The following DCT variants were observed in gnomAD, a reference collection of about 807,000 sequenced individuals.
The protein encoded by DCT is L-dopachrome tautomerase.
Under a neutral mutation model 53.0 loss-of-function variants are expected in DCT, and 47 were observed. That is an observed-to-expected ratio of 0.89 (90% CI 0.70 to 1.13). The LOEUF (loss-of-function observed/expected upper bound fraction) is 1.13, where lower values mean the gene tolerates loss of function less well. Ranked by LOEUF, DCT falls within the 50% of genes most tolerant of loss-of-function variation. The pLI, the probability that DCT is intolerant of heterozygous loss-of-function variation, is 0.00. For missense variants in DCT, 669 were observed against 637.4 expected (o/e 1.05, Z -0.53); for synonymous variants, 244 against 237.0 (o/e 1.03, Z -0.27).
upstream of DCT, among the ~76,000 whole-genome samples, chr13:94,483,003 T>C (rs1199008685): frequency 6.6e-6 from 1 of 152,180 alleles, no homozygotes; most frequent in Non-Finnish European, 1.5e-5. Context: ...CCTGGCACAG[T>C]GGCTCATGCC....
chr13:94,522,840 C>T, the DCT span, among the ~76,000 whole-genome samples: 1,868 of 152,236 alleles, frequency 0.012, 39 homozygotes, highest in African/African-American at 0.043. Context: ...TTACTGGCAC[C>T]GCCAGAACTC....
chr13:94,449,697 G>A (rs563509103), intron 6 of DCT, among the ~76,000 whole-genome samples: 1 of 152,272 alleles, frequency 6.6e-6, no homozygotes, highest in East Asian at 1.9e-4. Context: ...AATTCCTAAT[G>A]GTCATTCCTA....
chr13:94,465,998 ATATATATATATATATAT>A (rs1468898367), intron 3 of DCT, among the ~76,000 whole-genome samples, 199 bp from the exon 4 acceptor site: 2 of 65,862 alleles, frequency 3.0e-5, no homozygotes, highest in South Asian at 1.2e-3. Flanking sequence ...ATATATATAT[ATATATATATATATATAT>A]ATATATATAC....
the DCT span, among the ~76,000 whole-genome samples, chr13:94,492,396 A>G: frequency 6.6e-6 from 1 of 152,164 alleles, no homozygotes; most frequent in East Asian, 1.9e-4. Flanking sequence ...ACTAAGCTTG[A>G]GGTTCCCAGA....
At chr13:94,499,586 C>A in the DCT span, among the ~76,000 whole-genome samples, 3 of 151,974 alleles carry the variant, frequency 2.0e-5, no homozygotes, top group African/African-American at 7.3e-5. Flanking sequence ...AATTAGATGG[C>A]CTAATTTTAA....
intron 7 of DCT, among the ~76,000 whole-genome samples, chr13:94,443,196 A>G (rs1882468165): frequency 6.6e-6 from 1 of 152,226 alleles, no homozygotes. Flanking sequence ...AATAAGATCT[A>G]TTTAAAACTT....
intron 1 of DCT, among the ~76,000 whole-genome samples, chr13:94,477,168 T>G (rs190162988): frequency 6.6e-6 from 1 of 152,270 alleles, no homozygotes; most frequent in East Asian, 1.9e-4. Context: ...TGATTTCTGC[T>G]CACTGCAACC....
intron 6 of DCT, among the ~76,000 whole-genome samples, chr13:94,449,712 A>C (rs1264877754): frequency 6.6e-6 from 1 of 152,224 alleles, no homozygotes; most frequent in Non-Finnish European, 1.5e-5. Flanking sequence ...TTCCTAAAAA[A>C]TATATTTCAT....
chr13:94,473,061 G>A (rs150613693), intron 1 of DCT, among the ~76,000 whole-genome samples: 8 of 152,184 alleles, frequency 5.3e-5, no homozygotes, highest in African/African-American at 1.9e-4. Flanking sequence ...AATAAATGTT[G>A]CTTGGATGGG....
chr13:94,477,922 G>A (rs1468585597), intron 1 of DCT, among the ~76,000 whole-genome samples: 6 of 152,156 alleles, frequency 3.9e-5, no homozygotes, highest in Non-Finnish European at 2.9e-5. Flanking sequence ...GGCTTTGAGT[G>A]TTTATTCCCG....
chr13:94,462,314 C>A (rs560011169), intron 4 of DCT, 125 bp from the exon 5 acceptor site: 18 of 706,146 alleles, frequency 2.5e-5, no homozygotes, highest in Middle Eastern at 3.3e-4. Flanking sequence ...TTGAGACCAG[C>A]TATGGCAAAG....
the DCT span, among the ~76,000 whole-genome samples, chr13:94,527,597 A>C: frequency 0.4 from 61,362 of 152,028 alleles, 13,126 homozygotes; most frequent in East Asian, 0.62. Context: ...TCAACATCAA[A>C]GAAAAGGACA....
chr13:94,490,932 G>A, the DCT span, among the ~76,000 whole-genome samples: 1 of 152,150 alleles, frequency 6.6e-6, no homozygotes. Context: ...ATTTATTTAT[G>A]CCATGAAATG....
the DCT span, among the ~76,000 whole-genome samples, chr13:94,499,250 T>C: frequency 2.0e-5 from 3 of 152,120 alleles, no homozygotes; most frequent in African/African-American, 7.2e-5. Context: ...ACACACCATC[T>C]TTAAGAGCTG....
intron 6 of DCT, among the ~76,000 whole-genome samples, chr13:94,451,288 C>T (rs1444388468): frequency 6.6e-6 from 1 of 152,162 alleles, no homozygotes; most frequent in Non-Finnish European, 1.5e-5. Context: ...ATTTCAAAAG[C>T]TGTGCAAAAT....
chr13:94,522,079 T>A, the DCT span, among the ~76,000 whole-genome samples: 11 of 152,304 alleles, frequency 7.2e-5, no homozygotes, highest in Admixed American at 3.9e-4. Flanking sequence ...ACTTATTCCT[T>A]TTTATGGCTG....
At chr13:94,523,302 T>G in the DCT span, among the ~76,000 whole-genome samples, 3 of 152,244 alleles carry the variant, frequency 2.0e-5, no homozygotes, top group Admixed American at 6.5e-5. Context: ...AAATAAATCT[T>G]GCCCTTAAGT....
At chr13:94,506,929 A>G in the DCT span, among the ~76,000 whole-genome samples, 1 of 152,238 alleles carries the variant, frequency 6.6e-6, no homozygotes, top group Non-Finnish European at 1.5e-5. Flanking sequence ...TTTAAAAATC[A>G]GGCTGATGCA....
rs1882688861 is a variant in DCT at position 94,445,874 on chromosome 13, G to A, written c.1180-2237C>T. The A allele has an allele frequency of 7.1e-6, 5 of 700,236 alleles. No individual in the cohort carries two copies. In the South Asian group the frequency reaches 9.0e-5, roughly 13 times the overall value. The allele number at this position is 700,236 out of a possible 1,614,324, so 43.4% of individuals were successfully genotyped here. A position where few individuals can be genotyped will look rare whatever the true frequency, so the allele number is the denominator to read the frequency against. On this transcript the variant is annotated intron_variant, in intron 6 of 7. Coordinates refer to ENST00000377028, the MANE Select transcript of DCT (RefSeq NM_001922.5). ...GAAGTGGCCCATTCCTGGAGGCAGG[G>A]GAGAAACTGTGGGGGGGCGGGGTGA...
Sources: gnomAD v4.1 joint callset for allele counts (sites outside exome capture counted in the v4.1 genomes callset) on GRCh38, gnomAD v4.1.1 for gene constraint, MANE v1.5 for transcripts, NCBI Gene and HGNC (gene_info 2026-07-23, HGNC 2026-07-21) for gene names.